Variants in MCMBP observed in about 807,000 individuals in gnomAD.
The protein encoded by MCMBP is mini-chromosome maintenance complex-binding protein.
Under a neutral mutation model 81.3 loss-of-function variants are expected in MCMBP, and 31 were observed. The observed-to-expected ratio is 0.38, with a 90% CI of 0.29 to 0.51. MCMBP has a LOEUF of 0.51. MCMBP is among the 20% of genes least tolerant of loss of function. The pLI is 0.87. For missense variants in MCMBP, 645 were observed against 772.1 expected, an observed-to-expected ratio of 0.84 and a Z score of 1.95; for synonymous variants, 267 against 275.9, an observed-to-expected ratio of 0.97 and a Z score of 0.32.
intron 6 of MCMBP, 104 bp downstream of exon 6, chr10:119,852,946 T>G (rs1852883450): frequency 2.2e-6 from 3 of 1,358,300 alleles, no homozygotes; most frequent in South Asian, 1.4e-5. Flanking sequence ...CTCTGATAAA[T>G]TGCCAGCTCC....
At position 119,831,388 on chromosome 10, in the gene MCMBP, A is replaced by G. The variant is rs1554899555; in HGVS notation, c.*86T>C. On this transcript the variant is annotated 3_prime_UTR_variant, in exon 16 of 16. Transcript: ENST00000369077. ...CACTGGTTTGTGATAGAAATTACCT[A>G]TAAAACAATGTGGTATAAATGAATA... The G allele has an allele frequency of 3.3e-6, 5 of 1,516,216 alleles. No individual in the cohort carries two copies. Among genetic ancestry groups the G allele is most frequent in the East Asian group, 4.6e-5 (2 of 43,866 alleles). The allele number at this position is 1,516,216 out of a possible 1,614,324, so 93.9% of individuals were successfully genotyped here. A position where few individuals can be genotyped will look rare whatever the true frequency, so the allele number is the denominator to read the frequency against.
At position 119,853,166 on chromosome 10, in the gene MCMBP, A is replaced by T; in HGVS notation, c.458T>A (p.Val153Asp). Residue 153 changes from valine (V) to aspartate (D), a missense_variant, in exon 6 of 16, where the codon GTC becomes GAC. Physicochemically the swap from Val to Asp is radical, Grantham distance 152. Transcript: ENST00000369077. ...EAYVNANQAR[V>D]SPSTSYTPSR... is the part of the protein sequence containing the mutation. ...AGGAGTGTAGGATGTTGAGGGACTG[A>T]CTCGAGCTTGGTTTGCATTAACATA... 2 of 1,613,984 alleles carry T rather than the reference A, an allele frequency of 1.2e-6. No individual in the cohort carries two copies. The highest frequency in any genetic ancestry group is 2.7e-5 in the African/African-American group (2 of 75,030).
chr10:119,840,159 T>C (rs1241141005), intron 11 of MCMBP, among the ~76,000 whole-genome samples: 1 of 152,192 alleles, frequency 6.6e-6, no homozygotes, highest in East Asian at 1.9e-4. Flanking sequence ...GCTCTTTGAG[T>C]ATGAACACAT....
At chr10:119,840,399 T>C (rs941071740) in intron 11 of MCMBP, among the ~76,000 whole-genome samples, 3 of 152,168 alleles carry the variant, frequency 2.0e-5, no homozygotes, top group South Asian at 4.1e-4. Context: ...ACCACGCAAA[T>C]ACTGCATTCC....
Position 119,840,859 on chromosome 10 carries a change from T to C in MCMBP, c.1226A>G (p.Gln409Arg). 1 of 1,595,328 alleles carries C rather than the reference T, an allele frequency of 6.3e-7. No individual in the cohort carries two copies. The highest frequency in any genetic ancestry group is 8.5e-7 in the Non-Finnish European group (1 of 1,171,804). ...TCATCTTACTGCTGGAACAAGATGT[T>C]GAATAATTCGATACAAGTGTTCTGT... is the stretch of plus-strand genomic sequence containing the variant. ...TFTEHLYRIIQHLVPASFRLQ... is the reference protein window; with the variant it reads ...TFTEHLYRIIRHLVPASFRLQ... The change falls in exon 11 of 16, where the codon CAA (glutamine) becomes CGA (arginine). Residue 409 changes from glutamine (Q) to arginine (R), a missense_variant. By Grantham distance (43) the Gln-to-Arg change is conservative (BLOSUM62 1). Transcript: ENST00000369077.
chr10:119,868,654 A>C (rs886089614), intron 1 of MCMBP, among the ~76,000 whole-genome samples: 1 of 152,244 alleles, frequency 6.6e-6, no homozygotes, highest in African/African-American at 2.4e-5. Flanking sequence ...TTCCGAAACA[A>C]GGAATTTCAA....
At chr10:119,855,898 G>C (rs1217736745) in intron 5 of MCMBP, among the ~76,000 whole-genome samples, 2 of 152,004 alleles carry the variant, frequency 1.3e-5, no homozygotes, top group African/African-American at 4.8e-5. Context: ...CTTCAAAACA[G>C]TCCTTGAAAG....
intron 11 of MCMBP, among the ~76,000 whole-genome samples, chr10:119,839,446 A>C (rs1192046743): frequency 6.6e-6 from 1 of 152,084 alleles, no homozygotes; most frequent in Non-Finnish European, 1.5e-5. Context: ...GAAAATTTAG[A>C]GGAGTTTTGT....
At chr10:119,866,524 G>GTCA (rs1853461643) in intron 1 of MCMBP, among the ~76,000 whole-genome samples, 1 of 152,180 alleles carries the variant, frequency 6.6e-6, no homozygotes, top group Admixed American at 6.5e-5. Context: ...TACTTGGGAG[G>GTCA]CTGAGGCAAG....
intron 2 of MCMBP, among the ~76,000 whole-genome samples, chr10:119,859,399 T>C (rs1050883068): frequency 6.6e-6 from 1 of 152,186 alleles, no homozygotes; most frequent in African/African-American, 2.4e-5. Context: ...TAGATAACAT[T>C]TGACCACAAT....
intron 5 of MCMBP, among the ~76,000 whole-genome samples, chr10:119,854,559 A>G (rs1852957213): frequency 7.4e-6 from 1 of 135,102 alleles, no homozygotes; most frequent in African/African-American, 2.5e-5. Flanking sequence ...AAATAAATAA[A>G]TAAATAAATA....
chr10:119,866,966 GA>G (rs1157702100), intron 1 of MCMBP, among the ~76,000 whole-genome samples: 2 of 145,636 alleles, frequency 1.4e-5, no homozygotes, highest in Non-Finnish European at 3.0e-5. Flanking sequence ...CTGTCTCAAA[GA>G]AAAAAACCTC....
chr10:119,849,807 T>C (rs529484001), intron 6 of MCMBP, among the ~76,000 whole-genome samples: 1 of 152,342 alleles, frequency 6.6e-6, no homozygotes, highest in East Asian at 1.9e-4. Context: ...TTTCCCTTAC[T>C]GTAAGATATC....
intron 1 of MCMBP, among the ~76,000 whole-genome samples, chr10:119,861,434 G>A (rs1209724556): frequency 6.6e-6 from 1 of 152,108 alleles, no homozygotes; most frequent in African/African-American, 2.4e-5. Flanking sequence ...ACTCTTAGGG[G>A]TGGGGCCTAG....
intron 1 of MCMBP, among the ~76,000 whole-genome samples, chr10:119,866,848 A>G (rs1159121901): frequency 6.6e-6 from 1 of 152,162 alleles, no homozygotes. Flanking sequence ...CTGTAGTCCC[A>G]ACTACTCGGG....
rs1467370205 is a variant in MCMBP, at chr10:119,830,308, A to T, written c.*1166T>A. ...AAAAGTAATGTCCTAACCTTTCTGA[A>T]GATTCTGGTTGCCATAACCATGCTA... On this transcript the variant is annotated 3_prime_UTR_variant, in exon 16 of 16. Coordinates refer to ENST00000369077, the MANE Select transcript of MCMBP (RefSeq NM_001256378.2). The T allele has an allele frequency of 6.6e-6, 1 of 152,548 alleles. No homozygotes were observed. Among genetic ancestry groups the T allele is most frequent in the East Asian group, 1.9e-4 (1 of 5,202 alleles). The allele number at this position is 152,548 out of a possible 1,614,324, so 9.4% of individuals were successfully genotyped here. A position where few individuals can be genotyped will look rare whatever the true frequency, so the allele number is the denominator to read the frequency against.
chr10:119,834,137 A>G (rs1371754843), intron 14 of MCMBP, among the ~76,000 whole-genome samples: 2 of 152,222 alleles, frequency 1.3e-5, no homozygotes, highest in African/African-American at 2.4e-5. Flanking sequence ...TGGTAGTGTC[A>G]GAAGGAGAGC....
chr10:119,832,927 A>AT (rs1235487044), intron 14 of MCMBP, among the ~76,000 whole-genome samples: 1 of 152,206 alleles, frequency 6.6e-6, no homozygotes, highest in Non-Finnish European at 1.5e-5. Context: ...AACCTTAAGT[A>AT]TGTAACTCCT....
chr10:119,842,663 A>C (rs1852474632), intron 9 of MCMBP, 68 bp from the exon 10 acceptor site: 1 of 1,539,042 alleles, frequency 6.5e-7, no homozygotes, highest in Non-Finnish European at 8.7e-7. Context: ...TTAGGTAAAA[A>C]AATAACTACG....
Sources: gnomAD v4.1 joint callset for allele counts (sites outside exome capture counted in the v4.1 genomes callset) on GRCh38, gnomAD v4.1.1 for gene constraint, MANE v1.5 for transcripts, NCBI Gene and HGNC (gene_info 2026-07-23, HGNC 2026-07-21) for gene names.